GALNT13: variants seen among roughly 807,000 people sequenced by gnomAD.
GALNT13 encodes the protein polypeptide N-acetylgalactosaminyltransferase 13.
Under a neutral mutation model 64.2 loss-of-function variants are expected in GALNT13, and 28 were observed. That is an observed-to-expected ratio of 0.44 (90% CI 0.32 to 0.60). The LOEUF (loss-of-function observed/expected upper bound fraction) is 0.60, where lower values mean the gene tolerates loss of function less well. Among genes scored for constraint, GALNT13 ranks in the 20% least tolerant of loss-of-function variants. The pLI, the probability that GALNT13 is intolerant of heterozygous loss-of-function variation, is 0.05. For missense variants in GALNT13, 577 were observed against 669.8 expected (o/e 0.86, Z 1.53); for synonymous variants, 214 against 224.6 (o/e 0.95, Z 0.42).
intron 2 of GALNT13, among the ~76,000 whole-genome samples, chr2:153,924,201 C>T (rs909229329): frequency 2.0e-5 from 3 of 151,846 alleles, no homozygotes; most frequent in African/African-American, 7.3e-5. Flanking sequence ...TCCTGATGCA[C>T]TCCCTCTTCC....
At chr2:153,391,699 A>G in the GALNT13 span, among the ~76,000 whole-genome samples, 2 of 152,020 alleles carry the variant, frequency 1.3e-5, no homozygotes, top group Non-Finnish European at 2.9e-5. Flanking sequence ...ACTTGATGCT[A>G]TGTGACTCCC....
chr2:153,097,346 T>C, the GALNT13 span, among the ~76,000 whole-genome samples: 1 of 152,202 alleles, frequency 6.6e-6, no homozygotes. Context: ...GTGTACTTAC[T>C]ATTACCAGTA....
the GALNT13 span, among the ~76,000 whole-genome samples, chr2:153,371,563 T>C: frequency 6.6e-6 from 1 of 152,182 alleles, no homozygotes; most frequent in Non-Finnish European, 1.5e-5. Context: ...TATGATACCA[T>C]AATAAACATG....
At position 153,890,182 on chromosome 2, in the gene GALNT13, G is replaced by A. The variant is rs190252693; in HGVS notation, c.-176-10754G>A. On this transcript the variant is annotated intron_variant, in intron 1 of 12. Coordinates refer to ENST00000392825, the MANE Select transcript of GALNT13 (RefSeq NM_052917.4). ...CAAAAATCATCTGTCTATATGAACA[G>A]TGTTCCAAATGTATGAATCATGAAT... Among the ~76,000 whole-genome samples the A allele has an allele frequency of 2.0e-5, 3 of 152,042 alleles. No individual in the cohort carries two copies. The East Asian group carries it at 5.8e-4, about 29-fold the overall frequency.
At chr2:153,765,099 G>A in the GALNT13 span, among the ~76,000 whole-genome samples, 4 of 152,370 alleles carry the variant, frequency 2.6e-5, no homozygotes, top group African/African-American at 9.6e-5. Context: ...GTGCAGAAGG[G>A]AAAGTGGGAT....
intron 11 of GALNT13, among the ~76,000 whole-genome samples, chr2:154,427,059 A>C (rs1700503272): frequency 6.6e-6 from 1 of 152,214 alleles, no homozygotes; most frequent in African/African-American, 2.4e-5. Context: ...TTTATGCATG[A>C]ATATTGCACA....
the GALNT13 span, among the ~76,000 whole-genome samples, chr2:153,721,946 A>G: frequency 6.7e-6 from 1 of 149,690 alleles, no homozygotes. Flanking sequence ...TCAGCTCTGC[A>G]CCAAGCGGAC....
chr2:153,385,693 A>G, the GALNT13 span, among the ~76,000 whole-genome samples: 1 of 152,040 alleles, frequency 6.6e-6, no homozygotes, highest in African/African-American at 2.4e-5. Flanking sequence ...GTACATTTAA[A>G]AATAACTAAA....
At chr2:153,609,506 A>T in the GALNT13 span, among the ~76,000 whole-genome samples, 1 of 152,052 alleles carries the variant, frequency 6.6e-6, no homozygotes, top group Non-Finnish European at 1.5e-5. Context: ...TTTAATGTAC[A>T]TTTGCTCTGA....
chr2:154,019,297 T>C (rs1574341686), intron 3 of GALNT13, among the ~76,000 whole-genome samples: 1 of 152,112 alleles, frequency 6.6e-6, no homozygotes, highest in South Asian at 2.1e-4. Flanking sequence ...CCATTTAATA[T>C]CTTGTTTTGC....
At chr2:153,270,820 C>A in the GALNT13 span, among the ~76,000 whole-genome samples, 2 of 152,176 alleles carry the variant, frequency 1.3e-5, no homozygotes, top group African/African-American at 2.4e-5. Context: ...CCACTGCACT[C>A]AGCCTAGGTG....
intron 2 of GALNT13, among the ~76,000 whole-genome samples, chr2:153,907,633 C>G (rs1235660584): frequency 6.6e-6 from 1 of 151,992 alleles, no homozygotes; most frequent in African/African-American, 2.4e-5. Flanking sequence ...TTAGCCTCCA[C>G]TTACAAATGA....
chr2:153,638,021 AAGG>A, the GALNT13 span, among the ~76,000 whole-genome samples: 1 of 150,680 alleles, frequency 6.6e-6, no homozygotes, highest in Non-Finnish European at 1.5e-5. Flanking sequence ...GTAGGTGGAC[AAGG>A]AGGTCTCACT....
rs756231917 is a variant in GALNT13 at position 154,140,356 on chromosome 2, A to T, written c.162A>T (p.Gln54His). Reference protein sequence around the residue: ...PALRAVISRNQEGPGEMGKAV... With the variant: ...PALRAVISRNHEGPGEMGKAV... ...TTACAGCTGTTATTTCAAGAAACCAAGAAGGGCCAGGAGAAATGGGAAAAG... is the reference window on the plus strand; with the variant it reads ...TTACAGCTGTTATTTCAAGAAACCATGAAGGGCCAGGAGAAATGGGAAAAG... Residue 54 changes from glutamine (Q) to histidine (H), a missense_variant, in exon 4 of 13, where the codon CAA (glutamine) becomes CAT (histidine). Physicochemically the swap from Gln to His is conservative, Grantham distance 24. Around this residue, in one of 3 missense-constraint regions of GALNT13, gnomAD observed 341 missense variants for 379.3 expected, o/e 0.90. Transcript: ENST00000392825. The T allele has an allele frequency of 6.2e-7, 1 of 1,612,742 alleles. No homozygotes were observed. The highest frequency in any genetic ancestry group is 1.3e-5 in the African/African-American group (1 of 74,970).
chr2:153,343,582 A>G, the GALNT13 span, among the ~76,000 whole-genome samples: 1 of 152,184 alleles, frequency 6.6e-6, no homozygotes, highest in Non-Finnish European at 1.5e-5. Context: ...TTAGAATTCC[A>G]CACATAAAAA....
chr2:153,538,233 T>C, the GALNT13 span, among the ~76,000 whole-genome samples: 5 of 151,938 alleles, frequency 3.3e-5, no homozygotes, highest in African/African-American at 7.3e-5. Flanking sequence ...CTGGCATTTT[T>C]CCCCTGCCCT....
chr2:154,324,032 A>G (rs1166381775), intron 9 of GALNT13, among the ~76,000 whole-genome samples: 1 of 152,086 alleles, frequency 6.6e-6, no homozygotes, highest in African/African-American at 2.4e-5. Flanking sequence ...ATACATTCAC[A>G]TGATTCCAAA....
chr2:154,083,162 A>G (rs996198379), intron 3 of GALNT13, among the ~76,000 whole-genome samples: 1 of 152,074 alleles, frequency 6.6e-6, no homozygotes, highest in Non-Finnish European at 1.5e-5. Context: ...CATTTATTAA[A>G]TAGGGAATCC....
At chr2:154,243,383 A>G (rs142530333) in intron 6 of GALNT13, among the ~76,000 whole-genome samples, 1 of 152,236 alleles carries the variant, frequency 6.6e-6, no homozygotes, top group Non-Finnish European at 1.5e-5. Context: ...TGTAAACTAC[A>G]CGAGCACCCT....
Sources: gnomAD v4.1 joint callset for allele counts (sites outside exome capture counted in the v4.1 genomes callset) on GRCh38, gnomAD v4.1.1 for gene constraint, gnomAD v4.1.1 regional missense constraint, MANE v1.5 for transcripts, NCBI Gene and HGNC (gene_info 2026-07-23, HGNC 2026-07-21) for gene names.